The following UQCC6 variants were observed in gnomAD, a reference collection of about 807,000 sequenced individuals.
The protein encoded by UQCC6 is protein BRAWNIN.
chr12:103,962,487 A>T, the UQCC6 span, among the ~76,000 whole-genome samples: 1 of 152,090 alleles, frequency 6.6e-6, no homozygotes, highest in East Asian at 1.9e-4. Context: ...TTGACTCCCA[A>T]GGTGGAGCTT....
At chr12:103,960,679 A>G in the UQCC6 span, among the ~76,000 whole-genome samples, 1 of 152,240 alleles carries the variant, frequency 6.6e-6, no homozygotes, top group Admixed American at 6.5e-5. Context: ...CATATGCTGC[A>G]TAACAACATT....
the UQCC6 span, among the ~76,000 whole-genome samples, chr12:103,957,572 A>G: frequency 6.6e-6 from 1 of 152,192 alleles, no homozygotes; most frequent in East Asian, 1.9e-4. Flanking sequence ...AGTGAAGTTA[A>G]AGGCACTCAC....
the UQCC6 span, among the ~76,000 whole-genome samples, chr12:103,952,238 T>C: frequency 6.6e-6 from 1 of 152,222 alleles, no homozygotes; most frequent in Non-Finnish European, 1.5e-5. Context: ...GTCTTCTTTT[T>C]GTCTATATAG....
the UQCC6 span, chr12:103,954,881 G>C: frequency 1.4e-6 from 1 of 691,336 alleles, no homozygotes; most frequent in South Asian, 1.5e-5. Context: ...ATACCAAACA[G>C]AAAGCTTGGG....
At chr12:103,959,836 GCT>G in the UQCC6 span, among the ~76,000 whole-genome samples, 2 of 103,568 alleles carry the variant, frequency 1.9e-5, no homozygotes, top group Non-Finnish European at 3.7e-5. Flanking sequence ...ATGGAGTCTT[GCT>G]CTGTCACCAG....
chr12:103,963,054 C>T, the UQCC6 span, among the ~76,000 whole-genome samples: 1 of 149,706 alleles, frequency 6.7e-6, no homozygotes, highest in Non-Finnish European at 1.5e-5. Flanking sequence ...ATATTTCTCT[C>T]TCTTGATGCT....
At chr12:103,956,960 C>A in the UQCC6 span, 3 of 536,864 alleles carry the variant, frequency 5.6e-6, no homozygotes, top group Non-Finnish European at 1.0e-5. Context: ...CGAGGCCCAG[C>A]CCCAATCGTT....
At chr12:103,963,607 T>C in the UQCC6 span, among the ~76,000 whole-genome samples, 6,030 of 152,310 alleles carry the variant, frequency 0.04, 423 homozygotes, top group African/African-American at 0.14. Context: ...CGTGTACTTA[T>C]TTAGTTCTTA....
the UQCC6 span, among the ~76,000 whole-genome samples, chr12:103,952,281 A>T: frequency 6.6e-6 from 1 of 152,244 alleles, no homozygotes; most frequent in South Asian, 2.1e-4. Context: ...CTATAAATGG[A>T]ATCATATAAT....
chr12:103,960,370 G>A, the UQCC6 span, among the ~76,000 whole-genome samples: 4 of 152,118 alleles, frequency 2.6e-5, no homozygotes, highest in Non-Finnish European at 4.4e-5. Context: ...CACCGCACCC[G>A]GCCAATCTGT....
At chr12:103,957,898 TATATATA>T in the UQCC6 span, among the ~76,000 whole-genome samples, 3 of 145,330 alleles carry the variant, frequency 2.1e-5, no homozygotes, top group Non-Finnish European at 3.0e-5. Context: ...TAAAAATATA[TATATATA>T]ATATATATTT....
chr12:103,955,581 C>A, the UQCC6 span: 1 of 343,960 alleles, frequency 2.9e-6, no homozygotes, highest in Non-Finnish European at 5.7e-6. Context: ...CTGCGGTGAG[C>A]TGATTGCACC....
chr12:103,953,486 T>C, the UQCC6 span: 1 of 702,402 alleles, frequency 1.4e-6, no homozygotes, highest in Non-Finnish European at 2.6e-6. Context: ...TGCTCGACTC[T>C]GCCCAGACCT....
chr12:103,955,391 C>A, the UQCC6 span, among the ~76,000 whole-genome samples: 1 of 152,184 alleles, frequency 6.6e-6, no homozygotes, highest in Admixed American at 6.5e-5. Flanking sequence ...AATCCCAACA[C>A]TTTCAGAGGC....
the UQCC6 span, among the ~76,000 whole-genome samples, chr12:103,960,502 G>C: frequency 6.6e-6 from 1 of 152,032 alleles, no homozygotes; most frequent in African/African-American, 2.4e-5. Flanking sequence ...CTAATATGTG[G>C]GTAATGGTTC....
At chr12:103,961,758 C>G in the UQCC6 span, among the ~76,000 whole-genome samples, 1 of 149,072 alleles carries the variant, frequency 6.7e-6, no homozygotes, top group Admixed American at 6.8e-5. Context: ...TAGGGTTTCA[C>G]CATGTTGCCC....
chr12:103,956,838 G>C, the UQCC6 span: 3 of 771,556 alleles, frequency 3.9e-6, no homozygotes, highest in Admixed American at 7.1e-5. Context: ...CGCTGGACAC[G>C]AGACACACGG....
At chr12:103,954,261 G>C in the UQCC6 span, among the ~76,000 whole-genome samples, 63 of 152,356 alleles carry the variant, frequency 4.1e-4, no homozygotes, top group African/African-American at 1.5e-3. Context: ...CAAACTGTGT[G>C]TGTACACATG....
chr12:103,954,874 C>A, the UQCC6 span: 291 of 689,692 alleles, frequency 4.2e-4, 6 homozygotes, highest in South Asian at 4.3e-3. Flanking sequence ...AAGAGACATA[C>A]CAAACAGAAA....
Sources: allele counts gnomAD v4.1 joint callset (sites outside exome capture counted in the v4.1 genomes callset), GRCh38; gene constraint gnomAD v4.1.1; transcripts MANE v1.5; gene names NCBI Gene and HGNC (gene_info 2026-07-23, HGNC 2026-07-21).